The following PTPRD variants were observed in gnomAD, a reference collection of about 807,000 sequenced individuals.
The protein encoded by PTPRD is receptor-type tyrosine-protein phosphatase delta.
Under a neutral mutation model 214.5 loss-of-function variants are expected in PTPRD, and 34 were observed. The observed-to-expected ratio is 0.16, with a 90% CI of 0.12 to 0.21. The LOEUF is 0.21. Among genes scored for constraint, PTPRD ranks in the 10% least tolerant of loss-of-function variants. PTPRD has a pLI of 1.00. For synonymous variants in PTPRD, 1,128 were observed against 845.7 expected, an observed-to-expected ratio of 1.33 and a Z score of -5.79; for missense variants, 2,545 against 2,398.7, an observed-to-expected ratio of 1.06 and a Z score of -1.27.
chr9:8,397,552 A>C (rs1257406163), intron 36 of PTPRD, among the ~76,000 whole-genome samples: 3 of 152,188 alleles, frequency 2.0e-5, no homozygotes, highest in Non-Finnish European at 4.4e-5. Context: ...ATTTTACAGC[A>C]TGGGTACAAT....
chr9:10,251,783 T>C (rs756847268), intron 3 of PTPRD, among the ~76,000 whole-genome samples: 108 of 152,226 alleles, frequency 7.1e-4, no homozygotes, highest in Admixed American at 6.4e-3. Context: ...CATAATATGA[T>C]CTCTTATTTG....
chr9:8,583,969 T>A (rs2093415090), intron 14 of PTPRD, among the ~76,000 whole-genome samples: 1 of 152,052 alleles, frequency 6.6e-6, no homozygotes, highest in South Asian at 2.1e-4. Flanking sequence ...CTGGGCAACA[T>A]CACAAAACCC....
At chr9:8,954,754 T>C (rs917911925) in intron 11 of PTPRD, among the ~76,000 whole-genome samples, 11 of 151,892 alleles carry the variant, frequency 7.2e-5, no homozygotes, top group Non-Finnish European at 1.5e-4. Flanking sequence ...TACATGATCA[T>C]GGTTTTCTCT....
At chr9:9,356,070 C>A (rs1476289770) in intron 9 of PTPRD, among the ~76,000 whole-genome samples, 14 of 151,274 alleles carry the variant, frequency 9.3e-5, no homozygotes, top group African/African-American at 3.1e-4. Flanking sequence ...AAAAGCCTAA[C>A]TATAGCAGTT....
At chr9:9,356,808 C>A (rs1300728678) in intron 9 of PTPRD, among the ~76,000 whole-genome samples, 1 of 151,414 alleles carries the variant, frequency 6.6e-6, no homozygotes, top group African/African-American at 2.4e-5. Flanking sequence ...TGTTGATGAT[C>A]TCCAAGGTCC....
At chr9:10,459,431 G>A (rs2098942233) in intron 2 of PTPRD, among the ~76,000 whole-genome samples, 1 of 152,074 alleles carries the variant, frequency 6.6e-6, no homozygotes, top group Admixed American at 6.6e-5. Context: ...TGGGATTGCT[G>A]GGTCAAATGG....
At position 8,946,764 on chromosome 9, in the gene PTPRD, G is replaced by C. The variant is rs533982519; in HGVS notation, c.-104+71933C>G. 3.3e-5 allele frequency among the ~76,000 whole-genome samples: 5 copies of C among 152,196 alleles called. No homozygotes were observed. The East Asian group carries it at 9.7e-4, about 29-fold the overall frequency. ...GCCTGGAGAAGGAAAGTATCATGCA[G>C]GGTCTTCTCATCCCTGTCTCTTGCT... On this transcript the variant is annotated intron_variant, in intron 11 of 45. Coordinates refer to ENST00000381196, the MANE Select transcript of PTPRD (RefSeq NM_002839.4).
intron 11 of PTPRD, among the ~76,000 whole-genome samples, chr9:8,942,805 T>C (rs1029254557): frequency 3.3e-5 from 5 of 152,134 alleles, no homozygotes; most frequent in African/African-American, 1.2e-4. Context: ...TCAGTCACAA[T>C]TTTTTAAAAA....
chr9:8,881,494 G>T (rs748651607), intron 11 of PTPRD, among the ~76,000 whole-genome samples: 1 of 152,166 alleles, frequency 6.6e-6, no homozygotes, highest in Non-Finnish European at 1.5e-5. Context: ...TATACAGTTA[G>T]TTCTTTCTGT....
At chr9:8,809,358 T>C (rs553386013) in intron 11 of PTPRD, among the ~76,000 whole-genome samples, 7 of 152,146 alleles carry the variant, frequency 4.6e-5, no homozygotes, top group South Asian at 2.1e-4. Flanking sequence ...GAAATTGGCA[T>C]CTGCATCTTA....
intron 3 of PTPRD, among the ~76,000 whole-genome samples, chr9:10,108,064 GTTGTGGGAA>G (rs1323821900): frequency 6.6e-6 from 1 of 152,094 alleles, no homozygotes; most frequent in Non-Finnish European, 1.5e-5. Context: ...TAGGATGGAT[GTTGTGGGAA>G]TAAGTGACAT....
At chr9:9,500,852 A>G (rs1447653205) in intron 8 of PTPRD, among the ~76,000 whole-genome samples, 2 of 152,056 alleles carry the variant, frequency 1.3e-5, no homozygotes, top group Non-Finnish European at 2.9e-5. Flanking sequence ...CATTTGATCA[A>G]AGCACAACGG....
At position 8,528,586 on chromosome 9, in the gene PTPRD, C is replaced by G. The variant is rs768900286; in HGVS notation, c.541+5G>C. ...GAGTTAGTAGAAACAGTAACAAGAC[C>G]CTACCTGATCGTAACTGCTTAATAC... On this transcript the variant is annotated splice_donor_5th_base_variant and intron_variant, in intron 15 of 45. Coordinates refer to ENST00000381196, the MANE Select transcript of PTPRD (RefSeq NM_002839.4). 1 of 1,611,730 alleles carries G rather than the reference C, an allele frequency of 6.2e-7. No homozygotes were observed. Among genetic ancestry groups the G allele is most frequent in the East Asian group, 2.2e-5 (1 of 44,814 alleles).
At chr9:10,093,395 C>T (rs2098451851) in intron 3 of PTPRD, among the ~76,000 whole-genome samples, 1 of 151,214 alleles carries the variant, frequency 6.6e-6, no homozygotes, top group Non-Finnish European at 1.5e-5. Context: ...CACAATGCGA[C>T]AGTTTCTTAT....
intron 10 of PTPRD, among the ~76,000 whole-genome samples, chr9:9,152,217 T>A (rs2099877438): frequency 6.6e-6 from 1 of 152,158 alleles, no homozygotes; most frequent in Non-Finnish European, 1.5e-5. Context: ...TTCTGGCAAA[T>A]CAGAGCCATG....
At chr9:8,881,942 C>T (rs560170674) in intron 11 of PTPRD, among the ~76,000 whole-genome samples, 5 of 152,292 alleles carry the variant, frequency 3.3e-5, no homozygotes, top group African/African-American at 9.6e-5. Flanking sequence ...TTAGCTTTCT[C>T]ACCAAGAACC....
chr9:9,163,604 A>T (rs1056104197), intron 10 of PTPRD, among the ~76,000 whole-genome samples: 4 of 151,570 alleles, frequency 2.6e-5, no homozygotes, highest in African/African-American at 7.3e-5. Flanking sequence ...CCTGTAATCT[A>T]TTGTCTACAG....
chr9:9,806,256 G>C (rs1373036056), intron 5 of PTPRD, among the ~76,000 whole-genome samples: 1 of 151,192 alleles, frequency 6.6e-6, no homozygotes, highest in African/African-American at 2.5e-5. Flanking sequence ...TAAAATAATA[G>C]TTGGTTGTAG....
chr9:8,541,634 T>C (rs1474062988), intron 14 of PTPRD, among the ~76,000 whole-genome samples: 1 of 152,160 alleles, frequency 6.6e-6, no homozygotes, highest in Non-Finnish European at 1.5e-5. Flanking sequence ...CTTCCAGTGC[T>C]GGGATTACCA....
Sources: gnomAD v4.1 joint callset for allele counts (sites outside exome capture counted in the v4.1 genomes callset) on GRCh38, gnomAD v4.1.1 for gene constraint, MANE v1.5 for transcripts, NCBI Gene and HGNC (gene_info 2026-07-23, HGNC 2026-07-21) for gene names.